Variants in GNPTAB observed in about 807,000 individuals in gnomAD.
GNPTAB encodes the protein N-acetylglucosamine-1-phosphotransferase subunits alpha/beta.
Under a neutral mutation model 136.6 loss-of-function variants are expected in GNPTAB, and 92 were observed. The observed-to-expected ratio is 0.67, with a 90% confidence interval of 0.57 to 0.80. The LOEUF (loss-of-function observed/expected upper bound fraction) is 0.80, where lower values mean the gene tolerates loss of function less well. GNPTAB is among the 30% of genes least tolerant of loss of function. The pLI is 0.00. For missense variants in GNPTAB, 1,343 were observed against 1,501.8 expected (o/e 0.89, Z 1.75); for synonymous variants, 512 against 535.1 (o/e 0.96, Z 0.60).
rs762789283 is a variant in GNPTAB at position 101,780,223 on chromosome 12, G to A, written c.700C>T (p.Pro234Ser). Residue 234 changes from proline (P) to serine (S), a missense_variant, in exon 7 of 21, where the codon CCA becomes TCA. Physicochemically the swap from Pro to Ser is moderately conservative, Grantham distance 74 (BLOSUM62 -1). Coordinates refer to ENST00000299314, the MANE Select transcript of GNPTAB (RefSeq NM_024312.5). ...TGATTTGTTTCCTTGAATGTTGGTG[G>A]AAATCCACTCAGGAAAGCCAAATCT... ...MQDLAFLSGFPPTFKETNQLK... is the reference protein window; with the variant it reads ...MQDLAFLSGFSPTFKETNQLK... The A allele has an allele frequency of 1.9e-6, 3 of 1,613,078 alleles. No homozygotes were observed. The highest frequency in any genetic ancestry group is 1.3e-5 in the African/African-American group (1 of 74,918).
chr12:101,764,666 G>A lies in GNPTAB; in HGVS notation c.2251C>T (p.Gln751Ter), dbSNP rs1566073911. ...TTTGTTTCATCTGTTATTATAGCTT[G>A]ATTTTTTATTTTAGCATGCTGTGAG... is the stretch of plus-strand genomic sequence containing the variant. The part of the protein sequence containing the change: ...MNSQHAKIKN[Q>*]AIITDETNDS... Residue 751 changes from glutamine (Q) to a stop codon, truncating the protein, a stop_gained, in exon 13 of 21, where the codon CAA (glutamine) becomes TAA (stop). Transcript: ENST00000299314. LOFTEE classifies it high-confidence loss of function. The A allele has an allele frequency of 6.2e-7, 1 of 1,612,636 alleles. No homozygotes were observed. Among genetic ancestry groups the A allele is most frequent in the Non-Finnish European group, 8.5e-7 (1 of 1,179,644 alleles).
At chr12:101,783,152 A>T (rs1456290505) in intron 5 of GNPTAB, among the ~76,000 whole-genome samples, 1 of 151,980 alleles carries the variant, frequency 6.6e-6, no homozygotes, top group African/African-American at 2.4e-5. Flanking sequence ...AGGTAAGGGT[A>T]GAGATTTTTG....
intron 13 of GNPTAB, among the ~76,000 whole-genome samples, chr12:101,762,950 G>A (rs906242331): frequency 6.7e-6 from 1 of 149,318 alleles, no homozygotes; most frequent in Non-Finnish European, 1.5e-5. Flanking sequence ...GCCAGGCACA[G>A]TGGCTCACGC....
intron 5 of GNPTAB, among the ~76,000 whole-genome samples, chr12:101,784,455 G>A (rs1868515515): frequency 1.3e-5 from 2 of 152,136 alleles, no homozygotes; most frequent in African/African-American, 4.8e-5. Flanking sequence ...AGGAAGAGAA[G>A]TTTGTATCCA....
chr12:101,820,581 A>G (rs1870741335), intron 1 of GNPTAB, among the ~76,000 whole-genome samples: 1 of 152,122 alleles, frequency 6.6e-6, no homozygotes, highest in East Asian at 1.9e-4. Flanking sequence ...GCTTCTACCC[A>G]CTAAATGCCA....
chr12:101,828,112 A>T (rs1871193928), intron 1 of GNPTAB, among the ~76,000 whole-genome samples: 1 of 152,238 alleles, frequency 6.6e-6, no homozygotes, highest in Admixed American at 6.5e-5. Flanking sequence ...ATATATTTCA[A>T]AATAAGGTTT....
chr12:101,747,150 C>A lies in GNPTAB; in HGVS notation c.*14G>T. 6.9e-7 allele frequency: 1 copy of A among 1,457,374 alleles called. No individual in the cohort carries two copies. Among genetic ancestry groups the A allele is most frequent in the South Asian group, 1.1e-5 (1 of 87,966 alleles). 90.3% of individuals were successfully genotyped at this position (1,457,374 alleles called of 1,614,324 possible). On this transcript the variant is annotated 3_prime_UTR_variant, in exon 21 of 21. Coordinates refer to ENST00000299314, the MANE Select transcript of GNPTAB (RefSeq NM_024312.5). The stretch of plus-strand genomic sequence containing the variant: ...AGTAAATGCTGAGGTAGATGGTTTT[C>A]AAATGAAGATCTTCTATACTCTGAT...
chr12:101,767,783 T>C (rs1594216941), intron 11 of GNPTAB: 2 of 608,716 alleles, frequency 3.3e-6, no homozygotes, highest in East Asian at 5.5e-5. Flanking sequence ...CCACCACACT[T>C]GGCTAATTTT....
intron 7 of GNPTAB, among the ~76,000 whole-genome samples, chr12:101,776,201 A>C (rs1306850966): frequency 6.6e-6 from 1 of 152,236 alleles, no homozygotes; most frequent in African/African-American, 2.4e-5. Flanking sequence ...ACTTGCTCTA[A>C]AATATGTTTA....
chr12:101,777,098 C>T (rs944799537), intron 7 of GNPTAB, among the ~76,000 whole-genome samples: 5 of 152,230 alleles, frequency 3.3e-5, no homozygotes, highest in African/African-American at 1.2e-4. Flanking sequence ...CCAGAAAGGT[C>T]CACCTCCCCT....
At chr12:101,796,809 G>A (rs1222748120) in intron 1 of GNPTAB, 47 bp from the exon 2 acceptor site, 1 of 1,184,856 alleles carries the variant, frequency 8.4e-7, no homozygotes, top group Non-Finnish European at 1.2e-6. Context: ...AAGACTAAGA[G>A]TATATAACTT....
intron 3 of GNPTAB, among the ~76,000 whole-genome samples, chr12:101,789,086 T>C (rs888485266): frequency 3.3e-5 from 5 of 152,212 alleles, no homozygotes; most frequent in Non-Finnish European, 7.3e-5. Context: ...GTGGGCCTAT[T>C]ATATTTTTCA....
intron 1 of GNPTAB, among the ~76,000 whole-genome samples, chr12:101,813,123 A>C (rs1870326541): frequency 6.6e-6 from 1 of 151,996 alleles, no homozygotes; most frequent in Admixed American, 6.6e-5. Context: ...ATGAGCCACC[A>C]CACCCAGCCC....
At chr12:101,817,310 C>A (rs1453081978) in intron 1 of GNPTAB, among the ~76,000 whole-genome samples, 1 of 144,350 alleles carries the variant, frequency 6.9e-6, no homozygotes, top group Non-Finnish European at 1.5e-5. Flanking sequence ...CACTCTGTCA[C>A]CCAGGGTGGA....
chr12:101,760,430 C>G (rs1952975773), intron 15 of GNPTAB, among the ~76,000 whole-genome samples: 5 of 152,154 alleles, frequency 3.3e-5, no homozygotes, highest in Admixed American at 2.6e-4. Flanking sequence ...CTAGATTCAT[C>G]TGGGCACCTC....
chr12:101,817,567 C>T (rs1170567707), intron 1 of GNPTAB, among the ~76,000 whole-genome samples: 1 of 152,036 alleles, frequency 6.6e-6, no homozygotes, highest in African/African-American at 2.4e-5. Flanking sequence ...TGCACCCAGC[C>T]TGATCATTAC....
intron 1 of GNPTAB, among the ~76,000 whole-genome samples, chr12:101,819,710 G>C (rs752428766): frequency 1.4e-4 from 22 of 152,122 alleles, no homozygotes; most frequent in Non-Finnish European, 2.9e-4. Flanking sequence ...ATCACACATA[G>C]GCTGACTAAT....
In GNPTAB at chr12:101,830,891, G is replaced by A. The variant is rs1001750521; in HGVS notation, c.-216C>T. 6.8e-6 allele frequency: 1 copy of A among 148,106 alleles called. No homozygotes were observed. The highest frequency in any genetic ancestry group is 2.4e-5 in the African/African-American group (1 of 40,994). 9.2% of individuals were successfully genotyped at this position (148,106 alleles called of 1,614,324 possible). A position where few individuals can be genotyped will look rare whatever the true frequency, so the allele number is the denominator to read the frequency against. ...GCCGGGAGCCCACGCCCTCGGCGCG[G>A]CGGAGGCGGACCTGCGGCCGGCGAG... On this transcript the variant is annotated 5_prime_UTR_variant, in exon 1 of 21. Transcript: ENST00000299314.
In GNPTAB at chr12:101,768,174, A is replaced by G. The variant is rs1257972974; in HGVS notation, c.1285-14T>C. On this transcript the variant is annotated splice_polypyrimidine_tract_variant and intron_variant, in intron 10 of 20. Coordinates refer to ENST00000299314, the MANE Select transcript of GNPTAB (RefSeq NM_024312.5). ...TGTCAAATAAACCTACGATAAAACC[A>G]AAGAGAAAATAAAATGACTTCTGGC... is the stretch of plus-strand genomic sequence containing the variant. The G allele has an allele frequency of 6.2e-7, 1 of 1,613,822 alleles. No homozygotes were observed. Among genetic ancestry groups the G allele is most frequent in the African/African-American group, 1.3e-5 (1 of 74,918 alleles).
Sources: allele counts gnomAD v4.1 joint callset (sites outside exome capture counted in the v4.1 genomes callset), GRCh38; gene constraint gnomAD v4.1.1; transcripts MANE v1.5; gene names NCBI Gene and HGNC (gene_info 2026-07-23, HGNC 2026-07-21).